The following XIRP2 variants were observed in gnomAD, a reference collection of about 807,000 sequenced individuals.
The protein encoded by XIRP2 is xin actin-binding repeat-containing protein 2.
A neutral mutation model predicts 277.0 loss-of-function variants in XIRP2; 236 were observed. The ratio of observed to expected loss-of-function variants is 0.85; its 90% CI spans 0.77 to 0.95. The LOEUF (loss-of-function observed/expected upper bound fraction) is 0.95, where lower values mean the gene tolerates loss of function less well. Among genes scored for constraint, XIRP2 ranks in the 40% least tolerant of loss-of-function variants. XIRP2 has a pLI of 0.00. For missense variants in XIRP2, 4,640 were observed against 4,157.5 expected (o/e 1.12, Z -3.19); for synonymous variants, 1,490 against 1,416.5 (o/e 1.05, Z -1.17).
intron 2 of XIRP2, among the ~76,000 whole-genome samples, chr2:166,985,336 C>T (rs765263563): frequency 6.6e-6 from 1 of 152,074 alleles, no homozygotes; most frequent in Non-Finnish European, 1.5e-5. Context: ...CTCAAACATG[C>T]CATTGATTTT....
At chr2:167,227,461 G>GAGGCCA (rs1694636841) in intron 5 of XIRP2, among the ~76,000 whole-genome samples, 1 of 152,112 alleles carries the variant, frequency 6.6e-6, no homozygotes, top group Non-Finnish European at 1.5e-5. Context: ...GCCAAAGTGG[G>GAGGCCA]AGGCCAAGGT....
intron 5 of XIRP2, among the ~76,000 whole-genome samples, chr2:167,239,193 A>C (rs1187222189): frequency 1.3e-5 from 2 of 152,234 alleles, no homozygotes; most frequent in Non-Finnish European, 2.9e-5. Flanking sequence ...ACAACAAAAA[A>C]AATACATATA....
intron 2 of XIRP2, among the ~76,000 whole-genome samples, chr2:167,123,069 A>G (rs1691100851): frequency 1.3e-5 from 2 of 152,150 alleles, no homozygotes; most frequent in African/African-American, 2.4e-5. Context: ...AAAATTCAGC[A>G]TTTCAAGAAT....
intron 2 of XIRP2, among the ~76,000 whole-genome samples, chr2:167,121,022 A>T (rs13339777): frequency 0.26 from 40,262 of 152,082 alleles, 7,694 homozygotes; most frequent in African/African-American, 0.54. Flanking sequence ...GAGTGATATT[A>T]TTGTGATTTT....
At chr2:167,055,439 A>G (rs1689016524) in intron 2 of XIRP2, among the ~76,000 whole-genome samples, 1 of 152,224 alleles carries the variant, frequency 6.6e-6, no homozygotes, top group East Asian at 1.9e-4. Flanking sequence ...GATGCTTTTC[A>G]TCAAGGATAT....
chr2:167,150,566 G>A (rs16853064), intron 3 of XIRP2, among the ~76,000 whole-genome samples: 15,104 of 151,992 alleles, frequency 0.099, 808 homozygotes, highest in South Asian at 0.15. Flanking sequence ...TATAAAGTAA[G>A]ATTGAGAAGA....
rs974377170 is a variant in XIRP2 at position 167,232,347 on chromosome 2, GGA to G, written c.859-7506_859-7505del. Among the ~76,000 whole-genome samples the G allele has an allele frequency of 2.0e-5, 3 of 151,702 alleles. 1 individual carries two copies. The highest frequency in any genetic ancestry group is 7.3e-5 in the African/African-American group (3 of 41,316). On this transcript the variant is annotated intron_variant, in intron 5 of 10. Transcript: ENST00000409195. ...CTCTACAGAATATTTCCACATGTCA[GGA>G]GCCAGAATGGTTTGGAAGTGTCACA...
intron 4 of XIRP2, among the ~76,000 whole-genome samples, chr2:167,212,609 G>T (rs550400892): frequency 1.1e-3 from 163 of 152,288 alleles, no homozygotes; most frequent in Non-Finnish European, 1.1e-3. Context: ...GCAAGAGAAA[G>T]TTACTTATAG....
chr2:167,228,481 C>A (rs1217974068), intron 5 of XIRP2, among the ~76,000 whole-genome samples: 1 of 152,146 alleles, frequency 6.6e-6, no homozygotes, highest in African/African-American at 2.4e-5. Context: ...CTACCTGTGT[C>A]TTTTGCAGAA....
intron 2 of XIRP2, among the ~76,000 whole-genome samples, chr2:167,006,583 G>A (rs1341888770): frequency 6.6e-6 from 1 of 151,850 alleles, no homozygotes; most frequent in East Asian, 1.9e-4. Context: ...TGCCTGATGG[G>A]CAAGACAGTT....
chr2:167,050,568 G>T (rs955107746), intron 2 of XIRP2, among the ~76,000 whole-genome samples: 4 of 151,960 alleles, frequency 2.6e-5, no homozygotes, highest in Non-Finnish European at 5.9e-5. Context: ...GCACGGCAAG[G>T]GATGGCAGTC....
At chr2:166,929,952 G>C (rs1321007938) in intron 2 of XIRP2, among the ~76,000 whole-genome samples, 1 of 152,142 alleles carries the variant, frequency 6.6e-6, no homozygotes, top group African/African-American at 2.4e-5. Context: ...CATCAGAATA[G>C]TTAGAGGTTG....
Position 166,903,560 on chromosome 2 carries a change from T to C in XIRP2, c.78T>C (p.Cys26=), listed in dbSNP as rs757164935. The change falls in exon 2 of 11, where the codon TGT becomes TGC. Residue 26 remains cysteine (C), a synonymous_variant. Coordinates refer to ENST00000409195, the MANE Select transcript of XIRP2 (RefSeq NM_152381.6). The stretch of plus-strand genomic sequence containing the variant: ...CTTGTGATTATCAGAGAAGTGAGTG[T>C]CATCCCAGGGACAGCCATTGTACAA... The part of the protein sequence containing the change: ...WESCDYQRSE[C]HPRDSHCTIF... 1.2e-5 allele frequency: 20 copies of C among 1,613,472 alleles called. No individual in the cohort carries two copies. The East Asian group carries it at 4.5e-4, about 36-fold the overall frequency.
At chr2:166,971,992 C>T (rs1016444880) in intron 2 of XIRP2, among the ~76,000 whole-genome samples, 1 of 152,022 alleles carries the variant, frequency 6.6e-6, no homozygotes, top group Non-Finnish European at 1.5e-5. Flanking sequence ...TGTGTTCACA[C>T]CAAACTCCTA....
chr2:166,928,604 C>A (rs1685249049), intron 2 of XIRP2, among the ~76,000 whole-genome samples: 1 of 152,072 alleles, frequency 6.6e-6, no homozygotes, highest in Non-Finnish European at 1.5e-5. Context: ...ATGTATATTG[C>A]TTTTTAGTTT....
At chr2:167,086,579 C>A (rs1689951717) in intron 2 of XIRP2, among the ~76,000 whole-genome samples, 1 of 151,934 alleles carries the variant, frequency 6.6e-6, no homozygotes, top group Admixed American at 6.6e-5. Flanking sequence ...TTCAGGTACA[C>A]CAATCAGACG....
At chr2:167,074,077 G>T (rs1410386729) in intron 2 of XIRP2, among the ~76,000 whole-genome samples, 2 of 152,108 alleles carry the variant, frequency 1.3e-5, no homozygotes, top group Non-Finnish European at 2.9e-5. Context: ...TAGTATGGGA[G>T]AAAAAACTTT....
chr2:167,078,442 C>G lies in XIRP2; in HGVS notation c.409-57467C>G, dbSNP rs73014198. ...AGAGATAGTTGGATTTTTCCTTTTC[C>G]TATTTGTATGCCTTTTATTTCTTTC... is the stretch of plus-strand genomic sequence containing the variant. On this transcript the variant is annotated intron_variant, in intron 2 of 10. Transcript: ENST00000409195. 4.0e-3 allele frequency among the ~76,000 whole-genome samples: 614 copies of G among 152,224 alleles called. 5 individuals carry two copies. The highest frequency in any genetic ancestry group is 0.014 in the African/African-American group (594 of 41,536).
intron 2 of XIRP2, among the ~76,000 whole-genome samples, chr2:167,120,287 G>A (rs756851879): frequency 3.2e-4 from 48 of 152,114 alleles, no homozygotes; most frequent in Non-Finnish European, 6.5e-4. Flanking sequence ...CAGCATAGTC[G>A]CCATGGAGGA....
Sources: gnomAD v4.1 joint callset for allele counts (sites outside exome capture counted in the v4.1 genomes callset) on GRCh38, gnomAD v4.1.1 for gene constraint, MANE v1.5 for transcripts, NCBI Gene and HGNC (gene_info 2026-07-23, HGNC 2026-07-21) for gene names.